Variants in SESTD1 observed in about 807,000 individuals in gnomAD.
SESTD1 encodes the protein SEC14 and spectrin domain containing 1, also known as SEC14 domain and spectrin repeat-containing protein 1.
In SESTD1, 43 loss-of-function variants were observed where a neutral mutation model predicts 101.7. That is an observed-to-expected ratio of 0.42 (90% CI 0.33 to 0.55). The LOEUF (loss-of-function observed/expected upper bound fraction) is 0.55. SESTD1 is among the 20% of genes least tolerant of loss of function. SESTD1 has a pLI of 0.07. For missense variants in SESTD1, 647 were observed against 815.1 expected, an observed-to-expected ratio of 0.79 and a Z score of 2.51; for synonymous variants, 283 against 286.8, an observed-to-expected ratio of 0.99 and a Z score of 0.13.
At chr2:179,112,978 G>T in intron 16 of SESTD1, 133 bp from the exon 17 acceptor site, 1 of 1,198,156 alleles carries the variant, frequency 8.3e-7, no homozygotes, top group Non-Finnish European at 1.1e-6. Flanking sequence ...TACAAATTTG[G>T]TAGATTAAAG....
intron 5 of SESTD1, among the ~76,000 whole-genome samples, chr2:179,154,048 A>C (rs547064506): frequency 1.7e-3 from 244 of 147,000 alleles, no homozygotes; most frequent in South Asian, 0.015. Context: ...GTTTAAGACC[A>C]GCCTGGGTAA....
intron 13 of SESTD1, among the ~76,000 whole-genome samples, chr2:179,121,005 T>C (rs1390709437): frequency 6.6e-6 from 1 of 152,176 alleles, no homozygotes; most frequent in Non-Finnish European, 1.5e-5. Context: ...AGCTCAGCTT[T>C]GATATTTTTT....
At chr2:179,226,985 C>T (rs141733807) in intron 1 of SESTD1, among the ~76,000 whole-genome samples, 2 of 152,256 alleles carry the variant, frequency 1.3e-5, no homozygotes, top group East Asian at 3.9e-4. Flanking sequence ...ATGAATAGAG[C>T]ATTATCTACT....
chr2:179,233,804 A>T (rs1404107483), intron 1 of SESTD1, among the ~76,000 whole-genome samples: 1 of 152,106 alleles, frequency 6.6e-6, no homozygotes, highest in Non-Finnish European at 1.5e-5. Flanking sequence ...GCATGCATGC[A>T]TGCGTGTGTG....
intron 5 of SESTD1, among the ~76,000 whole-genome samples, chr2:179,154,268 G>GGGAA (rs915143182): frequency 2.7e-5 from 4 of 148,944 alleles, no homozygotes; most frequent in Non-Finnish European, 6.0e-5. Context: ...AAAGAAGAAA[G>GGGAA]GGAAGGAAGG....
rs568778993 is a variant in SESTD1, at chr2:179,124,637, TAAAC to T, written c.973-83_973-80del. 2.1e-3 allele frequency: 2,576 copies of T among 1,202,632 alleles called. 8 individuals are homozygous for T. Among genetic ancestry groups the T allele is most frequent in the Non-Finnish European group, 2.9e-3 (2,481 of 865,686 alleles). The allele number at this position is 1,202,632 out of a possible 1,614,324, so 74.5% of individuals were successfully genotyped here. A position where few individuals can be genotyped will look rare whatever the true frequency, so the allele number is the denominator to read the frequency against. On this transcript the variant is annotated intron_variant, in intron 10 of 17. Transcript: ENST00000428443. ...GATTACATTTTATAATTTCTCCAGATAAACTAAGTAATACATGATTTTTTTTTTC... is the reference window on the plus strand; with the variant it reads ...GATTACATTTTATAATTTCTCCAGATTAAGTAATACATGATTTTTTTTTTC...
At chr2:179,151,459 A>G in intron 5 of SESTD1, 68 bp from the exon 6 acceptor site, 1 of 963,770 alleles carries the variant, frequency 1.0e-6, no homozygotes, top group East Asian at 2.8e-5. Flanking sequence ...AGTAACCAGG[A>G]GGTAAAATTA....
intron 7 of SESTD1, among the ~76,000 whole-genome samples, chr2:179,147,776 G>A (rs931543315): frequency 6.6e-6 from 1 of 152,224 alleles, no homozygotes; most frequent in Non-Finnish European, 1.5e-5. Context: ...ACAGTCAACA[G>A]CATCAAACTC....
intron 2 of SESTD1, among the ~76,000 whole-genome samples, chr2:179,185,742 A>G (rs1298949070): frequency 7.8e-6 from 1 of 128,406 alleles, no homozygotes; most frequent in Non-Finnish European, 1.5e-5. Context: ...ATAATATAAT[A>G]TAGTATATTA....
chr2:179,145,396 T>C (rs1055991580), intron 8 of SESTD1, among the ~76,000 whole-genome samples: 1 of 152,202 alleles, frequency 6.6e-6, no homozygotes, highest in Non-Finnish European at 1.5e-5. Flanking sequence ...TTTCCCATCT[T>C]AAAATTGGAA....
At chr2:179,239,333 A>T (rs745515526) in intron 1 of SESTD1, among the ~76,000 whole-genome samples, 25 of 152,156 alleles carry the variant, frequency 1.6e-4, no homozygotes, top group Non-Finnish European at 2.8e-4. Context: ...TTCCTTTTGC[A>T]AACCAGCTCA....
chr2:179,117,499 G>A (rs759187540), intron 14 of SESTD1, 33 bp downstream of exon 14: 14 of 1,520,960 alleles, frequency 9.2e-6, no homozygotes, highest in Non-Finnish European at 1.2e-5. Context: ...TCTAAGAAAA[G>A]TTAACTACAT....
chr2:179,146,695 T>C (rs2045403222), intron 7 of SESTD1, among the ~76,000 whole-genome samples: 1 of 151,878 alleles, frequency 6.6e-6, no homozygotes, highest in African/African-American at 2.4e-5. Flanking sequence ...AAAAATATAG[T>C]TTACTGTTTT....
intron 5 of SESTD1, among the ~76,000 whole-genome samples, chr2:179,152,185 A>G (rs1267954538): frequency 6.6e-6 from 1 of 152,230 alleles, no homozygotes; most frequent in Admixed American, 6.5e-5. Context: ...CTGGCTGGAA[A>G]GAGCATCATT....
chr2:179,198,223 T>A (rs1163028010), intron 1 of SESTD1, among the ~76,000 whole-genome samples: 1 of 152,198 alleles, frequency 6.6e-6, no homozygotes, highest in African/African-American at 2.4e-5. Flanking sequence ...CATTACATAA[T>A]GGTAAAGGGA....
At chr2:179,190,173 A>G (rs949412662) in intron 2 of SESTD1, among the ~76,000 whole-genome samples, 1 of 152,208 alleles carries the variant, frequency 6.6e-6, no homozygotes. Context: ...GCAGTAAACA[A>G]AACAGCATGG....
chr2:179,206,226 G>C (rs1199993965), intron 1 of SESTD1, among the ~76,000 whole-genome samples: 1 of 135,244 alleles, frequency 7.4e-6, no homozygotes, highest in Non-Finnish European at 1.6e-5. Flanking sequence ...TTTGTTCCAA[G>C]AATGACCACA....
chr2:179,248,864 T>G (rs1184371791), intron 1 of SESTD1, among the ~76,000 whole-genome samples: 2 of 151,636 alleles, frequency 1.3e-5, no homozygotes, highest in Non-Finnish European at 2.9e-5. Flanking sequence ...GAAAATTGCT[T>G]TAGCCCAGGA....
chr2:179,114,977 G>C, intron 16 of SESTD1, 88 bp downstream of exon 16: 2 of 1,091,736 alleles, frequency 1.8e-6, no homozygotes, highest in East Asian at 5.2e-5. Context: ...AAATAGATTA[G>C]TCATATAGTT....
Sources: allele counts gnomAD v4.1 joint callset (sites outside exome capture counted in the v4.1 genomes callset), GRCh38; gene constraint gnomAD v4.1.1; transcripts MANE v1.5; gene names NCBI Gene and HGNC (gene_info 2026-07-23, HGNC 2026-07-21).